Variants in IDE observed in about 807,000 individuals in gnomAD.
IDE encodes insulin-degrading enzyme.
IDE carries 58 observed loss-of-function variants against 133.2 expected under a neutral mutation model. That is an observed-to-expected ratio of 0.44 (90% CI 0.35 to 0.54). IDE has a LOEUF of 0.54. Ranked by LOEUF, IDE falls within the 20% of genes least tolerant of loss-of-function variation. The pLI, the probability that IDE is intolerant of heterozygous loss-of-function variation, is 0.00. For missense variants in IDE, 981 were observed against 1,234.0 expected (o/e 0.79, Z 3.07); for synonymous variants, 396 against 421.3 (o/e 0.94, Z 0.73).
At chr10:92,467,163 C>G (rs536505555) in intron 19 of IDE, among the ~76,000 whole-genome samples, 1 of 152,214 alleles carries the variant, frequency 6.6e-6, no homozygotes, top group African/African-American at 2.4e-5. Flanking sequence ...CAGCCTCAAC[C>G]TCCTGGGCTC....
chr10:92,459,673 A>C (rs948632354), intron 22 of IDE, among the ~76,000 whole-genome samples: 5 of 152,140 alleles, frequency 3.3e-5, no homozygotes, highest in African/African-American at 1.2e-4. Flanking sequence ...CAAAAAACAT[A>C]TGTAACACTT....
intron 5 of IDE, among the ~76,000 whole-genome samples, chr10:92,511,557 T>C (rs1848630578): frequency 6.6e-6 from 1 of 152,224 alleles, no homozygotes. Context: ...TATGACCCAT[T>C]TGGAACTTTT....
chr10:92,548,042 G>A (rs1842604893), intron 1 of IDE, among the ~76,000 whole-genome samples: 2 of 151,870 alleles, frequency 1.3e-5, no homozygotes, highest in South Asian at 4.2e-4. Context: ...TGCCCATCTT[G>A]GCCTCATCTA....
At chr10:92,567,291 T>C (rs989594176) in intron 1 of IDE, among the ~76,000 whole-genome samples, 5 of 152,198 alleles carry the variant, frequency 3.3e-5, no homozygotes, top group South Asian at 4.2e-4. Context: ...CGACAAGAGT[T>C]TTCCCTACCC....
intron 1 of IDE, among the ~76,000 whole-genome samples, chr10:92,570,092 A>AC (rs1695370462): frequency 1.3e-5 from 2 of 152,034 alleles, no homozygotes; most frequent in Non-Finnish European, 2.9e-5. Context: ...GGGCAACAGA[A>AC]CAAGACTCAG....
At chr10:92,496,890 T>C (rs923456016) in intron 11 of IDE, among the ~76,000 whole-genome samples, 4 of 152,174 alleles carry the variant, frequency 2.6e-5, no homozygotes, top group Admixed American at 2.0e-4. Flanking sequence ...TCATTGTCCA[T>C]CATCTTTTAG....
intron 3 of IDE, among the ~76,000 whole-genome samples, chr10:92,532,719 T>C (rs963292062): frequency 6.6e-6 from 1 of 152,164 alleles, no homozygotes; most frequent in Non-Finnish European, 1.5e-5. Flanking sequence ...TCATGATTCC[T>C]GTAGTAATTC....
intron 10 of IDE, among the ~76,000 whole-genome samples, chr10:92,505,412 G>A (rs1361457689): frequency 6.6e-6 from 1 of 152,114 alleles, no homozygotes; most frequent in East Asian, 1.9e-4. Flanking sequence ...TTTTTGGTAA[G>A]AGCAACTTCC....
At chr10:92,459,294 C>T (rs1845226229) in intron 22 of IDE, among the ~76,000 whole-genome samples, 1 of 152,158 alleles carries the variant, frequency 6.6e-6, no homozygotes, top group Non-Finnish European at 1.5e-5. Context: ...CCCTCTCACT[C>T]AGCACTAGGA....
intron 3 of IDE, among the ~76,000 whole-genome samples, chr10:92,533,479 C>A (rs180670975): frequency 6.6e-6 from 1 of 151,918 alleles, no homozygotes; most frequent in African/African-American, 2.4e-5. Context: ...TAAAAGTAAG[C>A]AAATAAAGCC....
chr10:92,504,880 C>T lies in IDE; in HGVS notation c.1344G>A (p.Glu448=). The T allele has an allele frequency of 6.5e-7, 1 of 1,533,170 alleles. No homozygotes were observed. The highest frequency in any genetic ancestry group is 8.9e-7 in the Non-Finnish European group (1 of 1,121,994). 95.0% of individuals were successfully genotyped at this position (1,533,170 alleles called of 1,614,324 possible). Residue 448 remains glutamate (E), a synonymous_variant, in exon 11 of 25, where the codon GAG becomes GAA. Coordinates refer to ENST00000265986, the MANE Select transcript of IDE (RefSeq NM_004969.4). ...AGILHYYPLE[E]VLTAEYLLEE... ...CCAGTAAATATTCCGCTGTGAGCAC[C>T]TCTTCTAGGGGATAATACTTTTAAA...
intron 22 of IDE, among the ~76,000 whole-genome samples, chr10:92,460,367 T>C (rs1845309714): frequency 6.6e-6 from 1 of 152,210 alleles, no homozygotes; most frequent in Non-Finnish European, 1.5e-5. Context: ...AGTTCTTTTG[T>C]TTTCTTTGTT....
At chr10:92,510,799 G>T (rs1477818489) in intron 5 of IDE, among the ~76,000 whole-genome samples, 2 of 144,286 alleles carry the variant, frequency 1.4e-5, no homozygotes, top group African/African-American at 2.6e-5. Context: ...ATGATATATA[G>T]CACATACATA....
At position 92,452,607 on chromosome 10, in the gene IDE, G is replaced by A. The variant is rs1245269119; in HGVS notation, c.*1837C>T. 1.3e-5 allele frequency: 2 copies of A among 152,192 alleles called. No individual in the cohort carries two copies. The highest frequency in any genetic ancestry group is 2.9e-5 in the Non-Finnish European group (2 of 68,032). 9.4% of individuals were successfully genotyped at this position (152,192 alleles called of 1,614,324 possible). A position where few individuals can be genotyped will look rare whatever the true frequency, so the allele number is the denominator to read the frequency against. On this transcript the variant is annotated 3_prime_UTR_variant, in exon 25 of 25. Transcript: ENST00000265986. ...TGAGATTGCTCTCAGATCTCTTCAT[G>A]TGTCATTCTCATAAAAAAGACACTT...
Position 92,479,298 on chromosome 10 carries a change from T to C in IDE, c.1863A>G (p.Gln621=), listed in dbSNP as rs1323301606. ...AELAGLSYDL[Q]NTIYGMYLSV... is the part of the protein sequence containing the mutation. ...TTACATACATCCCATAGATGGTATTTTGGAGATCATAGCTCAAGCCTGCTA... is the reference window on the plus strand; with the variant it reads ...TTACATACATCCCATAGATGGTATTCTGGAGATCATAGCTCAAGCCTGCTA... Residue 621 remains glutamine, a synonymous_variant, in exon 15 of 25, where the codon CAA becomes CAG. Coordinates refer to ENST00000265986, the MANE Select transcript of IDE (RefSeq NM_004969.4). The C allele has an allele frequency of 6.2e-6, 10 of 1,612,822 alleles. No individual in the cohort carries two copies. Among genetic ancestry groups the C allele is most frequent in the African/African-American group, 5.3e-5 (4 of 74,918 alleles).
chr10:92,478,911 T>C (rs529667923), intron 15 of IDE: 7 of 347,966 alleles, frequency 2.0e-5, no homozygotes, highest in African/African-American at 6.6e-5. Flanking sequence ...GGAAATAGTA[T>C]ATGCCAACCT....
intron 5 of IDE, among the ~76,000 whole-genome samples, chr10:92,514,066 T>C (rs1214228261): frequency 6.6e-6 from 1 of 152,196 alleles, no homozygotes; most frequent in Non-Finnish European, 1.5e-5. Context: ...CGCTAATATG[T>C]ACTATACTGA....
chr10:92,569,050 A>C (rs1843677164), intron 1 of IDE, among the ~76,000 whole-genome samples: 1 of 152,182 alleles, frequency 6.6e-6, no homozygotes, highest in Non-Finnish European at 1.5e-5. Flanking sequence ...GATGTTTCAC[A>C]ATGTTTTTAA....
chr10:92,532,002 T>C (rs1452125856), intron 3 of IDE, 85 bp from the exon 4 acceptor site: 5 of 957,220 alleles, frequency 5.2e-6, no homozygotes, highest in South Asian at 2.8e-5. Flanking sequence ...ACTTATTAGA[T>C]AGGAAATGTA....
Sources: gnomAD v4.1 joint callset for allele counts (sites outside exome capture counted in the v4.1 genomes callset) on GRCh38, gnomAD v4.1.1 for gene constraint, MANE v1.5 for transcripts, NCBI Gene and HGNC (gene_info 2026-07-23, HGNC 2026-07-21) for gene names.